Variants in SNX29 observed in about 807,000 individuals in gnomAD.
SNX29 encodes the protein sorting nexin 29.
A neutral mutation model predicts 102.1 loss-of-function variants in SNX29; 78 were observed. The ratio of observed to expected loss-of-function variants is 0.76; its 90% CI spans 0.64 to 0.92. The LOEUF is 0.92. Ranked by LOEUF, SNX29 falls within the 40% of genes least tolerant of loss-of-function variation. The pLI, the probability that SNX29 is intolerant of heterozygous loss-of-function variation, is 0.00. For missense variants in SNX29, 1,280 were observed against 1,061.7 expected, an observed-to-expected ratio of 1.21 and a Z score of -2.86; for synonymous variants, 580 against 414.5, an observed-to-expected ratio of 1.40 and a Z score of -4.85.
chr16:12,160,328 C>T (rs1442981151), intron 13 of SNX29, among the ~76,000 whole-genome samples: 2 of 152,234 alleles, frequency 1.3e-5, no homozygotes, highest in Non-Finnish European at 1.5e-5. Flanking sequence ...AGTTTAGATT[C>T]AGGATCTTTC....
At chr16:12,326,379 G>T (rs1206606827) in intron 15 of SNX29, among the ~76,000 whole-genome samples, 9 of 151,346 alleles carry the variant, frequency 5.9e-5, no homozygotes, top group Non-Finnish European at 1.0e-4. Context: ...GGTTGGGAGG[G>T]GCCCTGGAAG....
intron 16 of SNX29, among the ~76,000 whole-genome samples, chr16:12,362,640 C>T (rs1411270556): frequency 3.5e-5 from 5 of 142,568 alleles, no homozygotes; most frequent in African/African-American, 1.3e-4. Context: ...CCACCCAGGG[C>T]CTTTGTTCCT....
intron 16 of SNX29, among the ~76,000 whole-genome samples, chr16:12,380,377 C>CACCCACCCACCCACCCACCATCT (rs1555524192): frequency 1.7e-5 from 1 of 60,422 alleles, no homozygotes; most frequent in Non-Finnish European, 3.4e-5. Flanking sequence ...TCCACTTATC[C>CACCCACCCACCCACCCACCATCT]ACCCACCCAC....
intron 14 of SNX29, among the ~76,000 whole-genome samples, chr16:12,209,457 T>G (rs1225720596): frequency 6.6e-6 from 1 of 152,224 alleles, no homozygotes; most frequent in African/African-American, 2.4e-5. Context: ...CCCAAAGTGC[T>G]GGGATTACAG....
At chr16:12,311,417 C>T (rs1406875623) in intron 15 of SNX29, among the ~76,000 whole-genome samples, 1 of 152,258 alleles carries the variant, frequency 6.6e-6, no homozygotes, top group Non-Finnish European at 1.5e-5. Flanking sequence ...ACCTCCCAGG[C>T]AGGGCTCACA....
intron 16 of SNX29, among the ~76,000 whole-genome samples, chr16:12,392,335 T>C (rs1276494154): frequency 6.6e-6 from 1 of 152,262 alleles, no homozygotes; most frequent in African/African-American, 2.4e-5. Flanking sequence ...TCTGTGCTTA[T>C]GTTGTCCATC....
At chr16:12,073,907 C>A (rs1318274775) in intron 10 of SNX29, among the ~76,000 whole-genome samples, 8 of 151,958 alleles carry the variant, frequency 5.3e-5, no homozygotes, top group Non-Finnish European at 1.2e-4. Context: ...GAATTGATCC[C>A]TTTACCATTA....
At chr16:12,247,599 T>C (rs1463387986) in intron 14 of SNX29, among the ~76,000 whole-genome samples, 1 of 152,220 alleles carries the variant, frequency 6.6e-6, no homozygotes, top group Non-Finnish European at 1.5e-5. Flanking sequence ...ATCAGGTCCA[T>C]GTTCCATTTA....
chr16:12,042,617 A>C (rs1244567710), intron 4 of SNX29, among the ~76,000 whole-genome samples: 1 of 152,168 alleles, frequency 6.6e-6, no homozygotes, highest in East Asian at 1.9e-4. Flanking sequence ...GCTTAGGATA[A>C]TGGCCTCCAG....
At chr16:12,449,432 G>C (rs1486590283) in intron 18 of SNX29, among the ~76,000 whole-genome samples, 2 of 152,090 alleles carry the variant, frequency 1.3e-5, no homozygotes, top group African/African-American at 2.4e-5. Flanking sequence ...GGTGGATTAT[G>C]CAGTGCAAAG....
chr16:12,220,305 TGGGAGGGAGGGA>T (rs1214795376), intron 14 of SNX29, among the ~76,000 whole-genome samples: 6 of 15,728 alleles, frequency 3.8e-4, no homozygotes, highest in African/African-American at 1.0e-3. Flanking sequence ...GTTTTCTTTA[TGGGAGGGAGGGA>T]GGGAGGAAGG....
chr16:12,453,934 T>A (rs1343150013), intron 18 of SNX29, among the ~76,000 whole-genome samples: 1 of 152,198 alleles, frequency 6.6e-6, no homozygotes, highest in Non-Finnish European at 1.5e-5. Context: ...AGTTGCTTGC[T>A]GAAAATAGCC....
chr16:12,313,525 C>T (rs1383209278), intron 15 of SNX29, among the ~76,000 whole-genome samples: 2 of 152,230 alleles, frequency 1.3e-5, no homozygotes, highest in South Asian at 2.1e-4. Flanking sequence ...CCTTCCATGA[C>T]CTGCCAGTAT....
chr16:12,318,774 A>G (rs534634980), intron 15 of SNX29, among the ~76,000 whole-genome samples: 26 of 152,126 alleles, frequency 1.7e-4, no homozygotes, highest in African/African-American at 6.0e-4. Flanking sequence ...CAAAATTACA[A>G]AGTTTCCCGG....
chr16:11,990,685 A>G (rs1224086518), intron 1 of SNX29, among the ~76,000 whole-genome samples: 1 of 152,102 alleles, frequency 6.6e-6, no homozygotes, highest in Non-Finnish European at 1.5e-5. Flanking sequence ...CAGTGACAAC[A>G]GGTTGATGAT....
chr16:12,442,264 G>T (rs775923219), intron 18 of SNX29, among the ~76,000 whole-genome samples: 2 of 152,156 alleles, frequency 1.3e-5, no homozygotes, highest in Non-Finnish European at 2.9e-5. Context: ...TCTTGACTCT[G>T]TCCCTTGCAT....
intron 1 of SNX29, among the ~76,000 whole-genome samples, chr16:11,997,597 C>T (rs2056128329): frequency 6.6e-6 from 1 of 152,058 alleles, no homozygotes; most frequent in African/African-American, 2.4e-5. Flanking sequence ...TCCACTTCTG[C>T]CTCATGAACA....
intron 16 of SNX29, among the ~76,000 whole-genome samples, chr16:12,387,721 G>T (rs571563939): frequency 6.6e-6 from 1 of 152,252 alleles, no homozygotes; most frequent in African/African-American, 2.4e-5. Context: ...GAGTCTACTT[G>T]ACCTTAAGCC....
chr16:12,019,407 G>T (rs2056948508), intron 3 of SNX29, among the ~76,000 whole-genome samples: 3 of 151,832 alleles, frequency 2.0e-5, no homozygotes, highest in Non-Finnish European at 4.4e-5. Context: ...GGGTTTCACT[G>T]TGTTAGCCAG....
Sources: gnomAD v4.1 joint callset for allele counts (sites outside exome capture counted in the v4.1 genomes callset) on GRCh38, gnomAD v4.1.1 for gene constraint, MANE v1.5 for transcripts, NCBI Gene and HGNC (gene_info 2026-07-23, HGNC 2026-07-21) for gene names.